FNDC3A: variants seen among roughly 807,000 people sequenced by gnomAD.
FNDC3A encodes fibronectin type III domain containing 3A.
A neutral mutation model predicts 148.9 loss-of-function variants in FNDC3A; 32 were observed. The ratio of observed to expected loss-of-function variants is 0.21; its 90% CI spans 0.16 to 0.29. FNDC3A has a LOEUF of 0.29. Among genes scored for constraint, FNDC3A ranks in the 10% least tolerant of loss-of-function variants. The probability of loss-of-function intolerance (pLI) is 1.00; values close to 1 mark genes in which losing one functional copy is unlikely to be tolerated. For synonymous variants in FNDC3A, 472 were observed against 473.6 expected, an observed-to-expected ratio of 1.00 and a Z score of 0.04; for missense variants, 1,191 against 1,452.8, an observed-to-expected ratio of 0.82 and a Z score of 2.93.
chr13:49,050,749 T>C (rs1875775033), intron 2 of FNDC3A, among the ~76,000 whole-genome samples: 1 of 152,166 alleles, frequency 6.6e-6, no homozygotes, highest in Non-Finnish European at 1.5e-5. Context: ...GTATTAAAGT[T>C]CTCCACTATT....
intron 1 of FNDC3A, among the ~76,000 whole-genome samples, chr13:48,981,480 C>CTT (rs769217943): frequency 1.4e-5 from 2 of 142,854 alleles, no homozygotes; most frequent in Non-Finnish European, 3.1e-5. Flanking sequence ...GCAATGCAGC[C>CTT]TTTTTTTTTT....
Position 49,198,589 on chromosome 13 carries a change from T to C in FNDC3A, c.2987+15T>C. ...AAGAATGGACGGTAGGTTTTTTTAA[T>C]TGCTTCTTTATATAGTTTCTTAGGT... On this transcript the variant is annotated intron_variant, in intron 23 of 25. Coordinates refer to ENST00000492622, the MANE Select transcript of FNDC3A (RefSeq NM_001079673.2). The C allele has an allele frequency of 1.3e-6, 2 of 1,582,428 alleles. No individual in the cohort carries two copies. Among genetic ancestry groups the C allele is most frequent in the Non-Finnish European group, 1.7e-6 (2 of 1,151,262 alleles).
intron 8 of FNDC3A, among the ~76,000 whole-genome samples, chr13:49,149,271 C>T (rs1046144379): frequency 1.3e-5 from 2 of 151,070 alleles, no homozygotes; most frequent in African/African-American, 4.9e-5. Context: ...GCATCCTTGT[C>T]TTGTTCGAGT....
At chr13:49,185,552 C>T (rs934148763) in intron 14 of FNDC3A, among the ~76,000 whole-genome samples, 1 of 152,108 alleles carries the variant, frequency 6.6e-6, no homozygotes, top group South Asian at 2.1e-4. Flanking sequence ...AACACACACA[C>T]AAGGGAAGGG....
chr13:49,003,848 G>A (rs1208608283), intron 1 of FNDC3A, among the ~76,000 whole-genome samples: 1 of 151,970 alleles, frequency 6.6e-6, no homozygotes, highest in Non-Finnish European at 1.5e-5. Context: ...TATTTTACAA[G>A]CTTCTACATA....
chr13:49,081,154 C>T (rs893436747), intron 3 of FNDC3A, among the ~76,000 whole-genome samples: 10 of 152,100 alleles, frequency 6.6e-5, no homozygotes, highest in Admixed American at 6.6e-4. Context: ...TTTCTCTTTT[C>T]GTCTGTGATA....
rs370262617 is a variant in FNDC3A, at chr13:49,197,491, C to T, written c.2341-234C>T. Among the ~76,000 whole-genome samples the T allele has an allele frequency of 3.9e-5, 6 of 152,270 alleles. No homozygotes were observed. The East Asian group carries it at 5.8e-4, about 15-fold the overall frequency. ...CCTTAAAACACTCTTTCTAAAGTGA[C>T]TTAGTCATATTTCTACTTCTAATTC... On this transcript the variant is annotated intron_variant, in intron 20 of 25. Transcript: ENST00000492622.
chr13:49,110,344 A>G, intron 3 of FNDC3A: 1 of 1,605,662 alleles, frequency 6.2e-7, no homozygotes, highest in South Asian at 1.1e-5. Context: ...GTTAACGTGT[A>G]CTACGCTGTT....
In FNDC3A at chr13:49,196,823, C is replaced by A; in HGVS notation, c.2227-54C>A. On this transcript the variant is annotated intron_variant, in intron 19 of 25. Transcript: ENST00000492622. ...CTTTAAATATGCAGTTCTGTGCAAT[C>A]AGTGGACATTTAAGGGTGAAAAATA... The A allele has an allele frequency of 3.4e-6, 3 of 878,718 alleles. No individual in the cohort carries two copies. In the South Asian group the frequency reaches 4.6e-5, roughly 14 times the overall value. 54.4% of individuals were successfully genotyped at this position (878,718 alleles called of 1,614,324 possible).
chr13:49,024,700 AC>A (rs1873572791), intron 2 of FNDC3A, among the ~76,000 whole-genome samples: 1 of 151,928 alleles, frequency 6.6e-6, no homozygotes. Flanking sequence ...TTAAAAAAAA[AC>A]CCTCAATAAA....
intron 2 of FNDC3A, among the ~76,000 whole-genome samples, chr13:49,054,600 G>A (rs1182548992): frequency 6.6e-6 from 1 of 152,234 alleles, no homozygotes; most frequent in Non-Finnish European, 1.5e-5. Flanking sequence ...CAGATGGGAT[G>A]GGCAGTCTGG....
At chr13:49,145,980 G>T (rs769649405) in intron 8 of FNDC3A, 45 bp downstream of exon 8, 14 of 1,463,548 alleles carry the variant, frequency 9.6e-6, no homozygotes, top group South Asian at 2.5e-5. Flanking sequence ...TAAATTAATG[G>T]TTTATTATAA....
At chr13:49,190,391 C>G (rs1593731855) in intron 17 of FNDC3A, among the ~76,000 whole-genome samples, 1 of 152,120 alleles carries the variant, frequency 6.6e-6, no homozygotes, top group African/African-American at 2.4e-5. Context: ...GGTGCAGTGA[C>G]AAATGTGTAT....
At chr13:49,022,565 T>C (rs775964481) in intron 2 of FNDC3A, among the ~76,000 whole-genome samples, 35 of 152,130 alleles carry the variant, frequency 2.3e-4, no homozygotes, top group Non-Finnish European at 4.1e-4. Flanking sequence ...ACATAAACCT[T>C]AGGAATGAGG....
chr13:49,197,811 G>T lies in FNDC3A; in HGVS notation c.2427G>T (p.Gly809=). The change falls in exon 21 of 26, where the codon GGG becomes GGT. Residue 809 remains glycine, a synonymous_variant. Transcript: ENST00000492622. ...VEGSMQICYC[G]PGLSYEIKGL... is the part of the protein sequence containing the mutation. ...GAAGTATGCAGATATGTTACTGTGG[G>T]CCTGGTCTCAGTTATGAAATAAAAG... 2 of 1,610,708 alleles carry T rather than the reference G, an allele frequency of 1.2e-6. No individual in the cohort carries two copies. The highest frequency in any genetic ancestry group is 1.3e-5 in the African/African-American group (1 of 74,762).
chr13:49,129,102 C>A (rs1257455568), intron 4 of FNDC3A, among the ~76,000 whole-genome samples: 2 of 152,218 alleles, frequency 1.3e-5, no homozygotes, highest in Non-Finnish European at 2.9e-5. Flanking sequence ...ATATATCATT[C>A]TGAGGTTTTT....
intron 8 of FNDC3A, chr13:49,146,583 A>C (rs1176147297): frequency 2.0e-5 from 3 of 152,188 alleles, no homozygotes; most frequent in Non-Finnish European, 4.4e-5. Context: ...CTAAAAATAT[A>C]AAAATTAGCC....
intron 1 of FNDC3A, among the ~76,000 whole-genome samples, chr13:48,989,934 T>C (rs1490838233): frequency 2.6e-5 from 4 of 152,068 alleles, no homozygotes; most frequent in Non-Finnish European, 4.4e-5. Context: ...GTATTTTTAG[T>C]AGAGATGGAG....
intron 2 of FNDC3A, among the ~76,000 whole-genome samples, chr13:49,012,064 G>T (rs988270853): frequency 1.3e-4 from 20 of 151,938 alleles, no homozygotes; most frequent in African/African-American, 4.6e-4. Flanking sequence ...ATGTATCTAT[G>T]ATACATTGTT....
Sources: gnomAD v4.1 joint callset for allele counts (sites outside exome capture counted in the v4.1 genomes callset) on GRCh38, gnomAD v4.1.1 for gene constraint, MANE v1.5 for transcripts, NCBI Gene and HGNC (gene_info 2026-07-23, HGNC 2026-07-21) for gene names.